SZT2: variants seen among roughly 807,000 people sequenced by gnomAD.
SZT2 encodes the protein KICSTOR complex protein SZT2.
Under a neutral mutation model 404.2 loss-of-function variants are expected in SZT2, and 216 were observed. The observed-to-expected ratio is 0.53, with a 90% CI of 0.48 to 0.60. The LOEUF is 0.60. SZT2 is among the 20% of genes least tolerant of loss of function. The pLI is 0.00. For missense variants in SZT2, 3,857 were observed against 4,459.2 expected, an observed-to-expected ratio of 0.86 and a Z score of 3.85; for synonymous variants, 1,693 against 1,749.9, an observed-to-expected ratio of 0.97 and a Z score of 0.81.
At chr1:43,418,272 T>G (rs892343722) in intron 7 of SZT2, among the ~76,000 whole-genome samples, 9 of 152,208 alleles carry the variant, frequency 5.9e-5, no homozygotes, top group Non-Finnish European at 2.9e-5. Context: ...AGCTAGAGAC[T>G]TAAGCATGTT....
In SZT2 at chr1:43,422,534, C is replaced by G. The variant is rs369285042; in HGVS notation, c.1824C>G (p.Ile608Met). The change falls in exon 13 of 72, where the codon ATC (isoleucine) becomes ATG (methionine). Residue 608 changes from isoleucine (I) to methionine (M), a missense_variant. Around this residue, in one of 7 missense-constraint regions of SZT2, gnomAD observed 1,725 missense variants for 1,881.0 expected, o/e 0.92. Transcript: ENST00000634258. ...GCAGCAATGGGCGCTACAGCACTATCCAGTGCAGGATCTCCCACTCCTCCC... is the reference window on the plus strand; with the variant it reads ...GCAGCAATGGGCGCTACAGCACTATGCAGTGCAGGATCTCCCACTCCTCCC... ...TPGSNGRYSTIQCRISHSSLT... is the reference protein window; with the variant it reads ...TPGSNGRYSTMQCRISHSSLT... The G allele has an allele frequency of 6.9e-6, 11 of 1,597,988 alleles. No individual in the cohort carries two copies. The highest frequency in any genetic ancestry group is 2.7e-5 in the African/African-American group (2 of 74,886).
intron 62 of SZT2, chr1:43,445,306 T>C (rs1655538465): frequency 6.5e-6 from 1 of 152,988 alleles, no homozygotes; most frequent in Non-Finnish European, 1.5e-5. Flanking sequence ...ATGGGACATT[T>C]TTTCCACCAG....
At position 43,425,650 on chromosome 1, in the gene SZT2, T is replaced by C; in HGVS notation, c.2814+8T>C. 1.2e-6 allele frequency: 2 copies of C among 1,613,560 alleles called. No individual in the cohort carries two copies. Among genetic ancestry groups the C allele is most frequent in the Non-Finnish European group, 1.7e-6 (2 of 1,179,978 alleles). ...TCTGAGATCCCGCAAGCTGTGAGTG[T>C]CCTCAGAACAGTACCCGCACCTCTC... On this transcript the variant is annotated splice_region_variant and intron_variant, in intron 19 of 71. Coordinates refer to ENST00000634258, the MANE Select transcript of SZT2 (RefSeq NM_001365999.1). The surrounding 1 kb of genome is among the most constrained non-coding windows in gnomAD (Gnocchi z 4.3).
intron 15 of SZT2, 145 bp downstream of exon 15, chr1:43,423,461 G>T (rs1652683662): frequency 1.2e-6 from 1 of 844,960 alleles, no homozygotes; most frequent in Non-Finnish European, 1.8e-6. Context: ...AGGTGTGGAA[G>T]GGTGTGGCTT....
Position 43,404,580 on chromosome 1 carries a change from C to T in SZT2, c.498+30C>T, listed in dbSNP as rs747821314. ...TGCATCATCTCTCCAAGTTTGTACCCTCAGACCAAATTTCTATTAGTCCTC... is the reference window on the plus strand; with the variant it reads ...TGCATCATCTCTCCAAGTTTGTACCTTCAGACCAAATTTCTATTAGTCCTC... On this transcript the variant is annotated intron_variant, in intron 4 of 71. Transcript: ENST00000634258. The T allele has an allele frequency of 6.9e-6, 11 of 1,596,788 alleles. No individual in the cohort carries two copies. In the African/African-American group the frequency reaches 1.3e-4, roughly 19 times the overall value.
Position 43,420,621 on chromosome 1 carries a change from G to A in SZT2, c.1262-128G>A, listed in dbSNP as rs1652237198. The stretch of plus-strand genomic sequence containing the variant: ...TGGGCCAACTCTGGGCCTGAAACCT[G>A]TGGAACCATGCTTGGAACCTTTGGC... On this transcript the variant is annotated intron_variant, in intron 9 of 71. Coordinates refer to ENST00000634258, the MANE Select transcript of SZT2 (RefSeq NM_001365999.1). The surrounding 1 kb of genome is among the most constrained non-coding windows in gnomAD (Gnocchi z 5.1). 1.0e-6 allele frequency: 1 copy of A among 992,988 alleles called. No homozygotes were observed. The highest frequency in any genetic ancestry group is 1.5e-6 in the Non-Finnish European group (1 of 686,736). The allele number at this position is 992,988 out of a possible 1,614,324, so 61.5% of individuals were successfully genotyped here. A position where few individuals can be genotyped will look rare whatever the true frequency, so the allele number is the denominator to read the frequency against.
At chr1:43,390,083 TG>T in intron 1 of SZT2, 88 bp downstream of exon 1, 1 of 1,334,676 alleles carries the variant, frequency 7.5e-7, no homozygotes, top group East Asian at 3.1e-5. Context: ...CCTCTAGGTC[TG>T]GGGGTGGCCG....
Position 43,425,783 on chromosome 1 carries a change from G to A in SZT2, c.2815-52G>A. On this transcript the variant is annotated intron_variant, in intron 19 of 71. Coordinates refer to ENST00000634258, the MANE Select transcript of SZT2 (RefSeq NM_001365999.1). This position sits in a 1 kb window ranked among gnomAD's most constrained non-coding sequence, Gnocchi z 4.3. The stretch of plus-strand genomic sequence containing the variant: ...GCTTCCTGAAGAGCTGGAACCCAGG[G>A]TATCCTGGGCTAAGAGGGGTTGACT... 1 of 1,589,024 alleles carries A rather than the reference G, an allele frequency of 6.3e-7. No homozygotes were observed. The highest frequency in any genetic ancestry group is 8.6e-7 in the Non-Finnish European group (1 of 1,158,754).
In SZT2 at chr1:43,432,388, G is replaced by A. The variant is rs752230870; in HGVS notation, c.5391G>A (p.Ala1797=). The A allele has an allele frequency of 1.3e-5, 20 of 1,597,942 alleles. No individual in the cohort carries two copies. Among genetic ancestry groups the A allele is most frequent in the African/African-American group, 2.7e-5 (2 of 74,148 alleles). Residue 1797 remains alanine (A), a synonymous_variant, in exon 37 of 72, where the codon GCG becomes GCA. Transcript: ENST00000634258. ...GGTCCCATGGGGAGCCTTCTTCAGC[G>A]GCCTGGGCTTGGCACAGTCATGAGG... ...PGGSHGEPSS[A]AWAWHSHEDR...
At chr1:43,435,174 C>A in intron 41 of SZT2, 26 bp from the exon 42 acceptor site, 1 of 1,612,416 alleles carries the variant, frequency 6.2e-7, no homozygotes, top group South Asian at 1.1e-5. Flanking sequence ...TATTTCAGTT[C>A]CCTGACCTCA....
intron 46 of SZT2, 143 bp from the exon 47 acceptor site, chr1:43,438,556 A>C: frequency 1.4e-6 from 1 of 736,664 alleles, no homozygotes; most frequent in Admixed American, 2.4e-5. Context: ...ATTGGAACCT[A>C]GTGCTGGCTA....
chr1:43,400,051 A>G (rs958792674), intron 1 of SZT2, among the ~76,000 whole-genome samples: 7 of 151,706 alleles, frequency 4.6e-5, no homozygotes, highest in African/African-American at 1.7e-4. Flanking sequence ...CGATCCTCCC[A>G]CCTCAATCTC....
chr1:43,451,138 T>C lies in SZT2; in HGVS notation c.*658T>C, dbSNP rs1280854269. 1.7e-6 allele frequency: 2 copies of C among 1,148,008 alleles called. No homozygotes were observed. Among genetic ancestry groups the C allele is most frequent in the Non-Finnish European group, 1.3e-6 (1 of 758,024 alleles). The allele number at this position is 1,148,008 out of a possible 1,614,324, so 71.1% of individuals were successfully genotyped here. A position where few individuals can be genotyped will look rare whatever the true frequency, so the allele number is the denominator to read the frequency against. Reference sequence around the variant, plus strand: ...GACACTATGTGTCCCACCACCCCATTACAGAGACATATGACAATGTTCAGC... The same window carrying C: ...GACACTATGTGTCCCACCACCCCATCACAGAGACATATGACAATGTTCAGC... On this transcript the variant is annotated 3_prime_UTR_variant, in exon 72 of 72. Transcript: ENST00000634258.
At position 43,448,042 on chromosome 1, in the gene SZT2, T is replaced by C. The variant is rs1655897090; in HGVS notation, c.9564-37T>C. 4 of 1,608,374 alleles carry C rather than the reference T, an allele frequency of 2.5e-6. No homozygotes were observed. Among genetic ancestry groups the C allele is most frequent in the Non-Finnish European group, 3.4e-6 (4 of 1,176,102 alleles). On this transcript the variant is annotated intron_variant, in intron 68 of 71. Coordinates refer to ENST00000634258, the MANE Select transcript of SZT2 (RefSeq NM_001365999.1). The surrounding 1 kb of genome is among the most constrained non-coding windows in gnomAD (Gnocchi z 4.2). The stretch of plus-strand genomic sequence containing the variant: ...CCACCCTGCCCTGTGTGTCTCTTGC[T>C]ACAACCACCACTCTCCTGCCCTGCT...
At chr1:43,447,397 G>A in intron 66 of SZT2, 148 bp from the exon 67 acceptor site, 1 of 1,190,630 alleles carries the variant, frequency 8.4e-7, no homozygotes, top group East Asian at 2.5e-5. Flanking sequence ...CCATCTCAGT[G>A]TTCCACAGGA....
intron 35 of SZT2, 79 bp from the exon 36 acceptor site, chr1:43,431,637 A>G: frequency 6.2e-7 from 1 of 1,600,850 alleles, no homozygotes; most frequent in Admixed American, 1.7e-5. Context: ...TGTGAGGCAA[A>G]TTATCTTCTA....
Position 43,422,165 on chromosome 1 carries a change from C to T in SZT2, c.1709C>T (p.Ala570Val), listed in dbSNP as rs766184337. 3 of 1,597,108 alleles carry T rather than the reference C, an allele frequency of 1.9e-6. No individual in the cohort carries two copies. In the East Asian group the frequency reaches 6.7e-5, roughly 36 times the overall value. ...AYWKPVLSMD[A>V]NSWQRWLHMH... ...TGGAAGCCAGTGCTGTCCATGGATG[C>T]AAATTCCTGGCAGCGATGGCTGCAC... is the stretch of plus-strand genomic sequence containing the variant. Residue 570 changes from alanine (A) to valine (V), a missense_variant, in exon 12 of 72, where the codon GCA (alanine) becomes GTA (valine). Ala to Val is a moderately conservative substitution (Grantham distance 64, BLOSUM62 0). Around this residue, in one of 7 missense-constraint regions of SZT2, gnomAD observed 1,725 missense variants for 1,881.0 expected, o/e 0.92. Transcript: ENST00000634258.
chr1:43,440,625 G>C, intron 52 of SZT2, 39 bp downstream of exon 52: 1 of 1,522,610 alleles, frequency 6.6e-7, no homozygotes, highest in East Asian at 2.4e-5. Context: ...CTACCTTTCT[G>C]CCTGCCTCCT....
intron 59 of SZT2, 48 bp downstream of exon 59, chr1:43,443,134 G>C (rs774685060): frequency 1.2e-6 from 2 of 1,613,268 alleles, no homozygotes; most frequent in Non-Finnish European, 1.7e-6. Context: ...TGTGGAGTCT[G>C]GGAGGAAGGG....
Sources: allele counts gnomAD v4.1 joint callset (sites outside exome capture counted in the v4.1 genomes callset), GRCh38; gene constraint gnomAD v4.1.1; regional missense constraint gnomAD v4.1.1; non-coding constraint Gnocchi (gnomAD v3.1); transcripts MANE v1.5; gene names NCBI Gene and HGNC (gene_info 2026-07-23, HGNC 2026-07-21).